The following PHACTR1 variants were observed in gnomAD, a reference collection of about 807,000 sequenced individuals.
The protein encoded by PHACTR1 is phosphatase and actin regulator 1, also known as RPEL repeat containing 1.
In PHACTR1, 16 loss-of-function variants were observed where a neutral mutation model predicts 69.2. That is an observed-to-expected ratio of 0.23 (90% CI 0.16 to 0.35). The LOEUF is 0.35. PHACTR1 is among the 10% of genes least tolerant of loss of function. PHACTR1 has a pLI of 1.00. For missense variants in PHACTR1, 510 were observed against 734.7 expected (o/e 0.69, Z 3.54); for synonymous variants, 312 against 284.5 (o/e 1.10, Z -0.97).
chr6:13,180,361 C>G (rs1304504182), intron 6 of PHACTR1, among the ~76,000 whole-genome samples: 1 of 152,132 alleles, frequency 6.6e-6, no homozygotes, highest in Non-Finnish European at 1.5e-5. Flanking sequence ...TACTTTTAAT[C>G]TATAGAGAGC....
intron 4 of PHACTR1, among the ~76,000 whole-genome samples, chr6:12,768,083 A>G (rs975593699): frequency 4.6e-5 from 7 of 151,020 alleles, no homozygotes; most frequent in South Asian, 4.2e-4. Context: ...CTCTATGGGG[A>G]CAATCTCTTA....
intron 4 of PHACTR1, among the ~76,000 whole-genome samples, chr6:12,886,712 A>C (rs186878766): frequency 6.6e-6 from 1 of 152,176 alleles, no homozygotes; most frequent in Admixed American, 6.5e-5. Flanking sequence ...CTCACAGCTC[A>C]TGGAGACACC....
At chr6:13,059,966 G>A (rs1276715223) in intron 5 of PHACTR1, among the ~76,000 whole-genome samples, 1 of 152,034 alleles carries the variant, frequency 6.6e-6, no homozygotes, top group Non-Finnish European at 1.5e-5. Flanking sequence ...GAAAGAAGAG[G>A]GCCAAGGACA....
At chr6:12,949,750 G>T (rs1451255719) in intron 4 of PHACTR1, among the ~76,000 whole-genome samples, 1 of 152,094 alleles carries the variant, frequency 6.6e-6, no homozygotes, top group Non-Finnish European at 1.5e-5. Context: ...TAGTATAAAA[G>T]TAAACAGCTT....
intron 4 of PHACTR1, among the ~76,000 whole-genome samples, chr6:12,911,532 T>C (rs1786390706): frequency 6.6e-6 from 1 of 152,224 alleles, no homozygotes; most frequent in Non-Finnish European, 1.5e-5. Context: ...AATAAAATGC[T>C]TGCAATACTG....
At chr6:12,914,264 C>G (rs936043739) in intron 4 of PHACTR1, among the ~76,000 whole-genome samples, 1 of 152,212 alleles carries the variant, frequency 6.6e-6, no homozygotes, top group African/African-American at 2.4e-5. Context: ...TCCCAAAGTG[C>G]TGGGATTACA....
chr6:12,740,034 G>C lies in PHACTR1; in HGVS notation c.104-9610G>C, dbSNP rs562682937. 3.9e-5 allele frequency among the ~76,000 whole-genome samples: 6 copies of C among 152,150 alleles called. No individual in the cohort carries two copies. The East Asian group carries it at 1.2e-3, about 29-fold the overall frequency. On this transcript the variant is annotated intron_variant, in intron 3 of 14. Transcript: ENST00000332995. Reference sequence around the variant, plus strand: ...ATCTCTCTCACCAACCTTCTATTATGGTATATGAGATTTGCTTATTCTTGA... The same window carrying C: ...ATCTCTCTCACCAACCTTCTATTATCGTATATGAGATTTGCTTATTCTTGA...
chr6:13,231,045 AAGG>A (rs1562036515), intron 10 of PHACTR1, among the ~76,000 whole-genome samples: 2 of 1,818 alleles, frequency 1.1e-3, no homozygotes, highest in Non-Finnish European at 3.1e-3. Context: ...GAGAGAGAGA[AAGG>A]AAGGAAGGAA....
intron 8 of PHACTR1, among the ~76,000 whole-genome samples, chr6:13,226,043 T>G (rs1172071425): frequency 6.6e-6 from 1 of 152,216 alleles, no homozygotes; most frequent in African/African-American, 2.4e-5. Context: ...TCATTTGTAT[T>G]CAATTAGGTG....
chr6:12,757,715 AGG>A (rs1311644689), intron 4 of PHACTR1, among the ~76,000 whole-genome samples: 1 of 152,168 alleles, frequency 6.6e-6, no homozygotes, highest in African/African-American at 2.4e-5. Context: ...GAGCAGTAGG[AGG>A]GATAGAACGA....
chr6:13,170,654 A>T (rs982593737), intron 6 of PHACTR1, among the ~76,000 whole-genome samples: 1 of 152,194 alleles, frequency 6.6e-6, no homozygotes, highest in African/African-American at 2.4e-5. Context: ...ACGCCACCCA[A>T]TTCATAATGT....
chr6:13,111,608 G>A lies in PHACTR1; in HGVS notation c.416-48596G>A, dbSNP rs1337279055. Among the ~76,000 whole-genome samples the A allele has an allele frequency of 2.0e-5, 3 of 152,044 alleles. No individual in the cohort carries two copies. In the East Asian group the frequency reaches 5.8e-4, roughly 29 times the overall value. On this transcript the variant is annotated intron_variant, in intron 5 of 14. Transcript: ENST00000332995. ...ACAACCTCGGTTATTAATTTGAGATGTTTACTTCCTACTCTTAAGTTAGAC... is the reference window on the plus strand; with the variant it reads ...ACAACCTCGGTTATTAATTTGAGATATTTACTTCCTACTCTTAAGTTAGAC...
At chr6:12,748,985 T>C (rs558957391) in intron 3 of PHACTR1, among the ~76,000 whole-genome samples, 1 of 152,346 alleles carries the variant, frequency 6.6e-6, no homozygotes, top group African/African-American at 2.4e-5. Context: ...TCAGATCTAG[T>C]TCTCTTTCTG....
At chr6:13,045,419 C>G (rs1351384301) in intron 4 of PHACTR1, among the ~76,000 whole-genome samples, 1 of 152,128 alleles carries the variant, frequency 6.6e-6, no homozygotes. Flanking sequence ...TCATCAGCAC[C>G]GATACCTAAG....
chr6:12,912,987 C>T (rs1406183092), intron 4 of PHACTR1, among the ~76,000 whole-genome samples: 1 of 152,076 alleles, frequency 6.6e-6, no homozygotes, highest in Non-Finnish European at 1.5e-5. Flanking sequence ...GCTTTTAAAG[C>T]CATCATAAAT....
chr6:12,966,845 T>C (rs1393964838), intron 4 of PHACTR1, among the ~76,000 whole-genome samples: 1 of 152,220 alleles, frequency 6.6e-6, no homozygotes, highest in Non-Finnish European at 1.5e-5. Context: ...GCATTTCACA[T>C]TAATGGAGCT....
chr6:13,159,655 A>G (rs925978700), intron 5 of PHACTR1, among the ~76,000 whole-genome samples: 1 of 152,094 alleles, frequency 6.6e-6, no homozygotes, highest in African/African-American at 2.4e-5. Context: ...AAGAACGCCT[A>G]CCTTGGCTGG....
chr6:13,010,472 A>G (rs1393449074), intron 4 of PHACTR1, among the ~76,000 whole-genome samples: 1 of 152,186 alleles, frequency 6.6e-6, no homozygotes, highest in African/African-American at 2.4e-5. Context: ...AGTCCTATCC[A>G]TGACTTACTT....
At chr6:13,226,738 GA>G (rs1261707290) in intron 8 of PHACTR1, among the ~76,000 whole-genome samples, 6 of 147,180 alleles carry the variant, frequency 4.1e-5, no homozygotes, top group Non-Finnish European at 7.4e-5. Context: ...AACTTGTATA[GA>G]TTTTTTTTTT....
Sources: gnomAD v4.1 joint callset for allele counts (sites outside exome capture counted in the v4.1 genomes callset) on GRCh38, gnomAD v4.1.1 for gene constraint, MANE v1.5 for transcripts, NCBI Gene and HGNC (gene_info 2026-07-23, HGNC 2026-07-21) for gene names.